The following CSNK2A2IP variants were observed in gnomAD, a reference collection of about 807,000 sequenced individuals.
The protein encoded by CSNK2A2IP is casein kinase II subunit alpha'-interacting protein.
chr3:88,365,346 A>G, the CSNK2A2IP span, among the ~76,000 whole-genome samples: 1 of 152,190 alleles, frequency 6.6e-6, no homozygotes, highest in African/African-American at 2.4e-5. Flanking sequence ...ATTCATATTT[A>G]TGGACATTCA....
chr3:88,352,351 T>C, the CSNK2A2IP span, among the ~76,000 whole-genome samples: 1 of 152,000 alleles, frequency 6.6e-6, no homozygotes, highest in Non-Finnish European at 1.5e-5. Context: ...ATGCACCCTT[T>C]GAAAAAATTG....
chr3:88,409,188 A>T, the CSNK2A2IP span, among the ~76,000 whole-genome samples: 1 of 152,034 alleles, frequency 6.6e-6, no homozygotes, highest in East Asian at 1.9e-4. Flanking sequence ...TTTTATTATC[A>T]CAATGGGTCT....
the CSNK2A2IP span, among the ~76,000 whole-genome samples, chr3:88,451,479 G>A: frequency 6.7e-6 from 1 of 149,558 alleles, no homozygotes; most frequent in Non-Finnish European, 1.5e-5. Flanking sequence ...TTTTAAATAT[G>A]AACTGTCCTC....
chr3:88,465,755 C>T, the CSNK2A2IP span: 1 of 1,231,718 alleles, frequency 8.1e-7, no homozygotes, highest in African/African-American at 1.5e-5. Context: ...ACGTCTTCAT[C>T]TGACCTCAAC....
chr3:88,464,779 C>T, the CSNK2A2IP span, among the ~76,000 whole-genome samples: 1 of 152,086 alleles, frequency 6.6e-6, no homozygotes, highest in East Asian at 1.9e-4. Context: ...ATTAAAAGAG[C>T]ACCAGTGATA....
chr3:88,365,677 G>A, the CSNK2A2IP span, among the ~76,000 whole-genome samples: 2 of 151,940 alleles, frequency 1.3e-5, no homozygotes, highest in Admixed American at 6.6e-5. Flanking sequence ...GCCCCTTTTG[G>A]CTTCTTTGGC....
chr3:88,395,884 T>C, the CSNK2A2IP span, among the ~76,000 whole-genome samples: 8 of 152,190 alleles, frequency 5.3e-5, no homozygotes, highest in Non-Finnish European at 1.2e-4. Context: ...ACAATTTTTA[T>C]TTTATAATCA....
the CSNK2A2IP span, among the ~76,000 whole-genome samples, chr3:88,380,972 T>C: frequency 2.6e-5 from 4 of 152,214 alleles, no homozygotes; most frequent in Admixed American, 1.3e-4. Flanking sequence ...GTATATTCTT[T>C]ATACATGTGT....
the CSNK2A2IP span, chr3:88,465,572 C>T: frequency 1.6e-6 from 2 of 1,231,698 alleles, no homozygotes; most frequent in Non-Finnish European, 2.0e-6. Context: ...GTATTGCCTT[C>T]TCCCAAATCT....
the CSNK2A2IP span, among the ~76,000 whole-genome samples, chr3:88,381,013 A>G: frequency 1.3e-5 from 2 of 152,146 alleles, no homozygotes; most frequent in Non-Finnish European, 2.9e-5. Context: ...TGGAGATTAA[A>G]TGGGTTCTCC....
chr3:88,366,910 CA>C, the CSNK2A2IP span, among the ~76,000 whole-genome samples: 1 of 151,970 alleles, frequency 6.6e-6, no homozygotes, highest in Non-Finnish European at 1.5e-5. Context: ...ATGGCAGCAG[CA>C]AGACAGAATG....
the CSNK2A2IP span, among the ~76,000 whole-genome samples, chr3:88,408,656 A>G: frequency 4.6e-5 from 7 of 152,026 alleles, no homozygotes; most frequent in Non-Finnish European, 8.8e-5. Context: ...AGCAGTATAA[A>G]TTCCCATCTT....
At chr3:88,434,246 A>G in the CSNK2A2IP span, among the ~76,000 whole-genome samples, 1 of 152,108 alleles carries the variant, frequency 6.6e-6, no homozygotes, top group African/African-American at 2.4e-5. Context: ...CTACCTGTCT[A>G]ACAATACTGG....
the CSNK2A2IP span, among the ~76,000 whole-genome samples, chr3:88,391,199 G>C: frequency 2.0e-5 from 3 of 152,162 alleles, no homozygotes; most frequent in Non-Finnish European, 4.4e-5. Flanking sequence ...TAGATACCCT[G>C]ATATTAATAC....
At chr3:88,442,287 G>C in the CSNK2A2IP span, among the ~76,000 whole-genome samples, 2 of 152,098 alleles carry the variant, frequency 1.3e-5, no homozygotes, top group African/African-American at 4.8e-5. Context: ...TGATGCTCCT[G>C]CCTCAATTTC....
chr3:88,443,238 C>T, the CSNK2A2IP span, among the ~76,000 whole-genome samples: 2 of 152,150 alleles, frequency 1.3e-5, no homozygotes, highest in Non-Finnish European at 2.9e-5. Flanking sequence ...TTTATATTAA[C>T]TGTCTTGTGT....
the CSNK2A2IP span, among the ~76,000 whole-genome samples, chr3:88,418,400 C>T: frequency 6.6e-6 from 1 of 151,922 alleles, no homozygotes; most frequent in African/African-American, 2.4e-5. Flanking sequence ...TATGCTACTG[C>T]TGACAACTTC....
the CSNK2A2IP span, among the ~76,000 whole-genome samples, chr3:88,446,701 G>T: frequency 2.0e-5 from 3 of 152,204 alleles, no homozygotes; most frequent in African/African-American, 4.8e-5. Flanking sequence ...AGAAGGTCAC[G>T]CCACTTATGA....
the CSNK2A2IP span, among the ~76,000 whole-genome samples, chr3:88,406,377 GGCTACGGGAAGC>G: frequency 6.6e-6 from 1 of 152,100 alleles, no homozygotes. Flanking sequence ...TTTAGGCATG[GGCTACGGGAAGC>G]GCAGTTGCTT....
Sources: allele counts gnomAD v4.1 joint callset (sites outside exome capture counted in the v4.1 genomes callset), GRCh38; gene constraint gnomAD v4.1.1; transcripts MANE v1.5; gene names NCBI Gene and HGNC (gene_info 2026-07-23, HGNC 2026-07-21).